The following NALF1 variants were observed in gnomAD, a reference collection of about 807,000 sequenced individuals.
NALF1 encodes the protein NALCN channel auxiliary factor 1, also known as family with sequence similarity 155 member A.
Under a neutral mutation model 48.4 loss-of-function variants are expected in NALF1, and 3 were observed. The ratio of observed to expected loss-of-function variants is 0.06; its 90% confidence interval spans 0.03 to 0.16. The LOEUF is 0.16. Ranked by LOEUF, NALF1 falls within the 10% of genes least tolerant of loss-of-function variation. The probability of loss-of-function intolerance (pLI) is 1.00; values close to 1 mark genes in which losing one functional copy is unlikely to be tolerated. For synonymous variants in NALF1, 262 were observed against 245.7 expected, an observed-to-expected ratio of 1.07 and a Z score of -0.62; for missense variants, 526 against 571.5, an observed-to-expected ratio of 0.92 and a Z score of 0.81.
chr13:107,384,333 C>T (rs2138976769), intron 1 of NALF1, among the ~76,000 whole-genome samples: 1 of 152,230 alleles, frequency 6.6e-6, no homozygotes, highest in South Asian at 2.1e-4. Flanking sequence ...TACATCTAAC[C>T]TCTAATGTCC....
chr13:107,693,890 C>A (rs1339770842), intron 1 of NALF1, among the ~76,000 whole-genome samples: 3 of 152,134 alleles, frequency 2.0e-5, no homozygotes, highest in Non-Finnish European at 4.4e-5. Context: ...GGTTTGCTTG[C>A]AAGATCTTAT....
At chr13:107,470,128 T>C (rs1269918974) in intron 1 of NALF1, among the ~76,000 whole-genome samples, 1 of 152,144 alleles carries the variant, frequency 6.6e-6, no homozygotes, top group Non-Finnish European at 1.5e-5. Context: ...TCACAGTAAT[T>C]GTCAAAAAAA....
At chr13:107,311,361 G>C (rs892994472) in intron 1 of NALF1, among the ~76,000 whole-genome samples, 1 of 152,056 alleles carries the variant, frequency 6.6e-6, no homozygotes, top group African/African-American at 2.4e-5. Context: ...TAAAAGGATT[G>C]ATATTGCTTC....
intron 2 of NALF1, among the ~76,000 whole-genome samples, chr13:107,175,821 G>A (rs1878915572): frequency 6.6e-6 from 1 of 152,116 alleles, no homozygotes; most frequent in Admixed American, 6.5e-5. Flanking sequence ...CACTGCCCTT[G>A]GTTGAAGTTA....
At chr13:107,644,190 C>T (rs1010132283) in intron 1 of NALF1, among the ~76,000 whole-genome samples, 1 of 151,918 alleles carries the variant, frequency 6.6e-6, no homozygotes, top group African/African-American at 2.4e-5. Flanking sequence ...ATACATGTAA[C>T]ATTTTAATAC....
chr13:107,710,658 T>A (rs959733635), intron 1 of NALF1, among the ~76,000 whole-genome samples: 1 of 149,414 alleles, frequency 6.7e-6, no homozygotes, highest in African/African-American at 2.6e-5. Flanking sequence ...AAGAAGAGCA[T>A]GGGGGAAACC....
intron 1 of NALF1, among the ~76,000 whole-genome samples, chr13:107,670,475 C>T (rs1298254046): frequency 6.6e-6 from 1 of 152,114 alleles, no homozygotes; most frequent in Non-Finnish European, 1.5e-5. Flanking sequence ...ACTATCTTTT[C>T]TCGAGGCTAT....
chr13:107,207,470 G>A (rs1214414318), intron 2 of NALF1, among the ~76,000 whole-genome samples: 1 of 152,148 alleles, frequency 6.6e-6, no homozygotes, highest in Non-Finnish European at 1.5e-5. Context: ...TTCCTTAGAC[G>A]CATGACAAGC....
chr13:107,691,761 T>C (rs1295727774), intron 1 of NALF1, among the ~76,000 whole-genome samples: 2 of 152,114 alleles, frequency 1.3e-5, no homozygotes. Context: ...GTCTAAAGAT[T>C]CTGTAAAAAC....
chr13:107,373,321 T>C (rs187775403), intron 1 of NALF1, among the ~76,000 whole-genome samples: 109 of 152,212 alleles, frequency 7.2e-4, no homozygotes, highest in African/African-American at 2.4e-3. Context: ...AGATCGAAGA[T>C]TTTGAATACC....
chr13:107,586,164 C>T (rs770636711), intron 1 of NALF1, among the ~76,000 whole-genome samples: 1 of 152,048 alleles, frequency 6.6e-6, no homozygotes, highest in Non-Finnish European at 1.5e-5. Flanking sequence ...TTGTGGCACC[C>T]TTGGAAAAGT....
At chr13:107,729,625 C>T (rs1317178728) in intron 1 of NALF1, among the ~76,000 whole-genome samples, 5 of 151,818 alleles carry the variant, frequency 3.3e-5, no homozygotes, top group South Asian at 2.1e-4. Context: ...TACAGGCGCC[C>T]ACCACCACGC....
intron 1 of NALF1, among the ~76,000 whole-genome samples, chr13:107,638,781 G>C (rs1880062053): frequency 6.6e-6 from 1 of 152,112 alleles, no homozygotes; most frequent in Admixed American, 6.6e-5. Context: ...AGAGGAACTG[G>C]GCTAGGCAAG....
intron 1 of NALF1, among the ~76,000 whole-genome samples, chr13:107,416,835 T>C (rs368033238): frequency 2.6e-5 from 4 of 152,328 alleles, no homozygotes; most frequent in African/African-American, 9.6e-5. Context: ...ACATATCAAC[T>C]CATAGACTGC....
chr13:107,679,662 C>T (rs1267316182), intron 1 of NALF1, among the ~76,000 whole-genome samples: 1 of 152,182 alleles, frequency 6.6e-6, no homozygotes, highest in Non-Finnish European at 1.5e-5. Context: ...GAATGCCCCT[C>T]ATCCAGGAGG....
intron 1 of NALF1, among the ~76,000 whole-genome samples, chr13:107,559,869 A>G (rs1272822103): frequency 6.6e-6 from 1 of 152,168 alleles, no homozygotes; most frequent in Non-Finnish European, 1.5e-5. Flanking sequence ...AAAAGATAAC[A>G]ACGTGAAATA....
chr13:107,630,829 G>A (rs1466179287), intron 1 of NALF1, among the ~76,000 whole-genome samples: 2 of 152,018 alleles, frequency 1.3e-5, no homozygotes, highest in East Asian at 1.9e-4. Context: ...AAGCAGAAAC[G>A]TTGAGGATTT....
chr13:107,199,284 A>G (rs9587316), intron 2 of NALF1, among the ~76,000 whole-genome samples: 6,995 of 152,224 alleles, frequency 0.046, 275 homozygotes, highest in African/African-American at 0.1. Context: ...CAGGCCAAGG[A>G]GAGAGGCCTC....
chr13:107,196,981 T>G (rs1381298903), intron 2 of NALF1, among the ~76,000 whole-genome samples: 1 of 152,138 alleles, frequency 6.6e-6, no homozygotes, highest in Non-Finnish European at 1.5e-5. Flanking sequence ...ATCCTCAAAT[T>G]TATATGTTGA....
Sources: allele counts gnomAD v4.1 joint callset (sites outside exome capture counted in the v4.1 genomes callset), GRCh38; gene constraint gnomAD v4.1.1; transcripts MANE v1.5; gene names NCBI Gene and HGNC (gene_info 2026-07-23, HGNC 2026-07-21).